SERPINA6: variants seen among roughly 807,000 people sequenced by gnomAD.
The protein encoded by SERPINA6 is corticosteroid-binding globulin.
In SERPINA6, 19 loss-of-function variants were observed where a neutral mutation model predicts 26.4. That is an observed-to-expected ratio of 0.72 (90% CI 0.50 to 1.06). The LOEUF is 1.06. Among genes scored for constraint, SERPINA6 ranks in the 50% least tolerant of loss-of-function variants. SERPINA6 has a pLI of 0.00. For missense variants in SERPINA6, 473 were observed against 504.0 expected, an observed-to-expected ratio of 0.94 and a Z score of 0.59; for synonymous variants, 196 against 199.4, an observed-to-expected ratio of 0.98 and a Z score of 0.14.
At chr14:94,322,378 T>C (rs4905177) in intron 1 of SERPINA6, among the ~76,000 whole-genome samples, 105,592 of 152,030 alleles carry the variant, frequency 0.69, 38,510 homozygotes, top group East Asian at 1. Context: ...GGTGTGATGG[T>C]GTGTGCCTGT....
intron 3 of SERPINA6, 56 bp from the exon 4 acceptor site, chr14:94,306,274 G>C: frequency 6.3e-7 from 1 of 1,589,756 alleles, no homozygotes; most frequent in African/African-American, 1.3e-5. Flanking sequence ...TGGCAGAGGG[G>C]AGAGCAGCAC....
intron 1 of SERPINA6, among the ~76,000 whole-genome samples, chr14:94,321,959 G>A (rs1288241763): frequency 6.6e-6 from 1 of 152,178 alleles, no homozygotes; most frequent in Non-Finnish European, 1.5e-5. Context: ...TCTAAGATGA[G>A]GGTGAAAACT....
At chr14:94,322,054 C>T (rs1225849411) in intron 1 of SERPINA6, among the ~76,000 whole-genome samples, 3 of 152,172 alleles carry the variant, frequency 2.0e-5, no homozygotes, top group Non-Finnish European at 4.4e-5. Flanking sequence ...ATGGGTCATC[C>T]TGGGGCCCAT....
At chr14:94,305,350 A>G (rs754483029) in intron 4 of SERPINA6, among the ~76,000 whole-genome samples, 24 of 152,142 alleles carry the variant, frequency 1.6e-4, no homozygotes, top group Non-Finnish European at 2.9e-4. Context: ...TCAAACATCA[A>G]ACTGTTATTT....
At chr14:94,307,898 A>G (rs1895465540) in intron 3 of SERPINA6, among the ~76,000 whole-genome samples, 1 of 152,240 alleles carries the variant, frequency 6.6e-6, no homozygotes, top group Admixed American at 6.5e-5. Flanking sequence ...CCAGCATCAA[A>G]TAGATCTCTG....
In SERPINA6 at chr14:94,306,106, G is replaced by C. The variant is rs200104515; in HGVS notation, c.997C>G (p.Arg333Gly). 2 of 1,614,186 alleles carry C rather than the reference G, an allele frequency of 1.2e-6. No individual in the cohort carries two copies. Among genetic ancestry groups the C allele is most frequent in the East Asian group, 2.2e-5 (1 of 44,876 alleles). The change falls in exon 4 of 5, where the codon CGC becomes GGC. Residue 333 changes from arginine (R) to glycine (G), a missense_variant. Physicochemically the swap from Arg to Gly is moderately radical, Grantham distance 125 (BLOSUM62 -2). Coordinates refer to ENST00000341584, the MANE Select transcript of SERPINA6 (RefSeq NM_001756.4). ...DLFTNQANFS[R>G]ITQDAQLKSS... ...TTCAGCTGGGCGTCCTGGGTGATGC[G>C]TGAGAAATTTGCCTGGTTGGTGAAC...
chr14:94,312,647 C>G (rs959426508), intron 2 of SERPINA6, among the ~76,000 whole-genome samples: 3 of 152,342 alleles, frequency 2.0e-5, no homozygotes, highest in Admixed American at 1.3e-4. Context: ...GTCAGCCTCT[C>G]AGCCTCACCA....
intron 3 of SERPINA6, among the ~76,000 whole-genome samples, chr14:94,306,837 C>G (rs548465488): frequency 6.6e-6 from 1 of 152,328 alleles, no homozygotes; most frequent in South Asian, 2.1e-4. Flanking sequence ...AGGGGCAGCA[C>G]GGGCATCTAC....
At chr14:94,318,049 C>T (rs888691748) in intron 1 of SERPINA6, among the ~76,000 whole-genome samples, 3 of 151,956 alleles carry the variant, frequency 2.0e-5, no homozygotes, top group Admixed American at 1.3e-4. Context: ...ACAAAGAAAA[C>T]AATTTGAAAA....
chr14:94,321,871 G>A (rs1895688596), intron 1 of SERPINA6, among the ~76,000 whole-genome samples: 1 of 152,172 alleles, frequency 6.6e-6, no homozygotes, highest in African/African-American at 2.4e-5. Flanking sequence ...GCCCTGTGCG[G>A]TATGATGCCA....
chr14:94,315,925 TA>T (rs5810669), intron 1 of SERPINA6, among the ~76,000 whole-genome samples: 43,989 of 152,028 alleles, frequency 0.29, 6,731 homozygotes, highest in South Asian at 0.47. Flanking sequence ...GGGATTACAT[TA>T]GCATCCTAAA....
intron 3 of SERPINA6, among the ~76,000 whole-genome samples, chr14:94,308,694 G>A (rs565735861): frequency 1.3e-5 from 2 of 152,312 alleles, no homozygotes; most frequent in South Asian, 4.1e-4. Flanking sequence ...TTTAAGGTGA[G>A]GAGCAGGGCT....
At position 94,304,530 on chromosome 14, in the gene SERPINA6, T is replaced by A. The variant is rs1271110992; in HGVS notation, c.1106A>T (p.Asn369Ile). ...DTAGSTGVTL[N>I]LTSKPIILRF... ...CAAGATGATAGGCTTGGACGTCAGG[T>A]TTAGGGTGACCCCAGTGGAGCCAGC... The change falls in exon 5 of 5, where the codon AAC (asparagine) becomes ATC (isoleucine). Residue 369 changes from asparagine (N) to isoleucine (I), a missense_variant. Transcript: ENST00000341584. The A allele has an allele frequency of 6.2e-7, 1 of 1,614,084 alleles. No individual in the cohort carries two copies. Among genetic ancestry groups the A allele is most frequent in the Admixed American group, 1.7e-5 (1 of 60,026 alleles).
At chr14:94,321,741 A>C (rs1371303344) in intron 1 of SERPINA6, among the ~76,000 whole-genome samples, 2 of 152,112 alleles carry the variant, frequency 1.3e-5, no homozygotes, top group African/African-American at 4.8e-5. Flanking sequence ...GTCCCAGGTC[A>C]CCGCCTCCAG....
intron 2 of SERPINA6, among the ~76,000 whole-genome samples, chr14:94,310,479 A>G (rs926803057): frequency 1.3e-5 from 2 of 152,080 alleles, no homozygotes; most frequent in East Asian, 3.9e-4. Context: ...CCTTCCTTCT[A>G]GGCCACGTTG....
intron 1 of SERPINA6, among the ~76,000 whole-genome samples, chr14:94,321,532 G>T (rs1895684976): frequency 6.6e-6 from 1 of 152,132 alleles, no homozygotes; most frequent in South Asian, 2.1e-4. Flanking sequence ...TCACTATAGG[G>T]CAGGTTACAG....
Position 94,309,962 on chromosome 14 carries a change from T to A in SERPINA6, c.658A>T (p.Asn220Tyr). ...PFDLASTREE[N>Y]FYVDETTVVK... ...ACAGTTGTCTCGTCCACATAGAAGT[T>A]CTCCTCCCTGGTGCTTGCCAGGTCA... Residue 220 changes from asparagine to tyrosine, a missense_variant, in exon 3 of 5, where the codon AAC (asparagine) becomes TAC (tyrosine). By Grantham distance (143) the Asn-to-Tyr change is moderately radical (BLOSUM62 -2). Transcript: ENST00000341584. The A allele has an allele frequency of 1.2e-6, 2 of 1,613,982 alleles. No individual in the cohort carries two copies. The highest frequency in any genetic ancestry group is 2.2e-5 in the South Asian group (2 of 91,060).
intron 1 of SERPINA6, among the ~76,000 whole-genome samples, chr14:94,317,742 T>G (rs926098497): frequency 3.9e-5 from 6 of 152,200 alleles, no homozygotes; most frequent in African/African-American, 1.4e-4. Context: ...TTATAAAACC[T>G]TTTATACTCA....
At chr14:94,306,588 T>C (rs72704338) in intron 3 of SERPINA6, among the ~76,000 whole-genome samples, 28,334 of 152,186 alleles carry the variant, frequency 0.19, 3,446 homozygotes, top group African/African-American at 0.34. Context: ...CTGGAGGGAG[T>C]GCCCAGCTGG....
Sources: allele counts gnomAD v4.1 joint callset (sites outside exome capture counted in the v4.1 genomes callset), GRCh38; gene constraint gnomAD v4.1.1; transcripts MANE v1.5; gene names NCBI Gene and HGNC (gene_info 2026-07-23, HGNC 2026-07-21).